Variants in LRRC7 observed in about 807,000 individuals in gnomAD.
LRRC7 encodes leucine rich repeat containing 7, also known as leucine-rich repeat-containing protein 7.
In LRRC7, 23 loss-of-function variants were observed where a neutral mutation model predicts 175.7. That is an observed-to-expected ratio of 0.13 (90% CI 0.09 to 0.19). The LOEUF (loss-of-function observed/expected upper bound fraction) is 0.19. Among genes scored for constraint, LRRC7 ranks in the 10% least tolerant of loss-of-function variants. The probability of loss-of-function intolerance (pLI) is 1.00; values close to 1 mark genes in which losing one functional copy is unlikely to be tolerated. For missense variants in LRRC7, 1,354 were observed against 1,904.7 expected (o/e 0.71, Z 5.38); for synonymous variants, 685 against 680.9 (o/e 1.01, Z -0.09).
chr1:69,967,468 C>T (rs890555043), intron 8 of LRRC7, among the ~76,000 whole-genome samples: 6 of 152,182 alleles, frequency 3.9e-5, no homozygotes, highest in Non-Finnish European at 7.3e-5. Context: ...TTCTTGAAAG[C>T]GCCACCTCTC....
chr1:70,098,232 A>C (rs990842487), intron 25 of LRRC7, among the ~76,000 whole-genome samples: 2 of 152,122 alleles, frequency 1.3e-5, no homozygotes, highest in Non-Finnish European at 2.9e-5. Context: ...GCATTTTTTC[A>C]TGTGTTTTTT....
In LRRC7 at chr1:69,741,850, C is replaced by T. The variant is rs190688702; in HGVS notation, c.101-18341C>T. Among the ~76,000 whole-genome samples the T allele has an allele frequency of 5.9e-5, 9 of 152,072 alleles. No homozygotes were observed. In the East Asian group the frequency reaches 1.7e-3, roughly 30 times the overall value. On this transcript the variant is annotated intron_variant, in intron 2 of 26. Transcript: ENST00000651989. Reference sequence around the variant, plus strand: ...TTCTAATTAGTTTCCCAACCTTCTTCAAACTATTCTCCACAGAGCAGCAAG... The same window carrying T: ...TTCTAATTAGTTTCCCAACCTTCTTTAAACTATTCTCCACAGAGCAGCAAG...
At chr1:69,769,657 T>C (rs1055535290) in intron 3 of LRRC7, among the ~76,000 whole-genome samples, 3 of 152,166 alleles carry the variant, frequency 2.0e-5, no homozygotes, top group Non-Finnish European at 2.9e-5. Context: ...AAAATTGAAA[T>C]CCAAAACACT....
chr1:69,971,419 CAA>C (rs1374609558), intron 8 of LRRC7, among the ~76,000 whole-genome samples: 3 of 152,150 alleles, frequency 2.0e-5, no homozygotes, highest in African/African-American at 7.2e-5. Flanking sequence ...AAGAATTCAG[CAA>C]AGTTTCCAGA....
At chr1:69,595,132 C>A (rs1299437536) in intron 1 of LRRC7, among the ~76,000 whole-genome samples, 1 of 152,048 alleles carries the variant, frequency 6.6e-6, no homozygotes, top group African/African-American at 2.4e-5. Context: ...CTCCACTCTT[C>A]AAATGAAGAA....
intron 1 of LRRC7, among the ~76,000 whole-genome samples, chr1:69,642,621 A>G (rs1401304556): frequency 1.3e-5 from 2 of 152,076 alleles, no homozygotes; most frequent in Non-Finnish European, 2.9e-5. Flanking sequence ...TTTTCTCAAA[A>G]TAGCCAGTGC....
At chr1:70,022,191 C>A (rs1398525437) in intron 16 of LRRC7, 2 of 152,126 alleles carry the variant, frequency 1.3e-5, no homozygotes, top group East Asian at 3.9e-4. Flanking sequence ...TTAGTGCTGT[C>A]TAACAACCAA....
At chr1:69,739,834 A>T (rs1668513492) in intron 2 of LRRC7, among the ~76,000 whole-genome samples, 1 of 152,148 alleles carries the variant, frequency 6.6e-6, no homozygotes, top group Admixed American at 6.6e-5. Context: ...GATGTCAATC[A>T]CCAGAGAAGA....
intron 8 of LRRC7, among the ~76,000 whole-genome samples, chr1:69,951,153 AC>A (rs1238062211): frequency 2.0e-5 from 3 of 152,058 alleles, no homozygotes; most frequent in Non-Finnish European, 4.4e-5. Context: ...TCAAAAGAAG[AC>A]ATACATGCGG....
intron 2 of LRRC7, among the ~76,000 whole-genome samples, chr1:69,694,939 C>G (rs1206432059): frequency 6.6e-6 from 1 of 152,084 alleles, no homozygotes; most frequent in East Asian, 1.9e-4. Context: ...TCCTTTATAG[C>G]AACACAAATG....
intron 4 of LRRC7, among the ~76,000 whole-genome samples, chr1:69,815,959 T>A (rs1351473069): frequency 1.0e-4 from 5 of 49,602 alleles, no homozygotes; most frequent in African/African-American, 2.0e-4. Context: ...TTTATTTATT[T>A]ATTTATTTAT....
At chr1:69,927,618 C>T (rs1217988330) in intron 7 of LRRC7, among the ~76,000 whole-genome samples, 8 of 152,194 alleles carry the variant, frequency 5.3e-5, no homozygotes, top group African/African-American at 1.7e-4. Context: ...GAGGCTTCTG[C>T]ATTCTTCACG....
intron 3 of LRRC7, among the ~76,000 whole-genome samples, chr1:69,791,350 A>G (rs1218377349): frequency 6.6e-6 from 1 of 152,036 alleles, no homozygotes; most frequent in Non-Finnish European, 1.5e-5. Context: ...AAGCTCAATA[A>G]TTCACACTTT....
intron 4 of LRRC7, among the ~76,000 whole-genome samples, chr1:69,825,498 A>AT (rs1410073669): frequency 1.3e-5 from 2 of 152,042 alleles, no homozygotes; most frequent in African/African-American, 4.8e-5. Context: ...ATTGTCCTCA[A>AT]TTTTACATCC....
chr1:69,761,592 G>C (rs929913936), intron 3 of LRRC7, among the ~76,000 whole-genome samples: 2 of 151,846 alleles, frequency 1.3e-5, no homozygotes, highest in Admixed American at 6.6e-5. Flanking sequence ...ACTATACACA[G>C]GTATAGTGTA....
Position 70,132,392 on chromosome 1 carries a change from G to C in LRRC7, c.*10505G>C, listed in dbSNP as rs1666700269. The C allele has an allele frequency of 6.6e-6, 1 of 151,540 alleles. No individual in the cohort carries two copies. The highest frequency in any genetic ancestry group is 6.6e-5 in the Admixed American group (1 of 15,202). The allele number at this position is 151,540 out of a possible 1,614,324, so 9.4% of individuals were successfully genotyped here. A position where few individuals can be genotyped will look rare whatever the true frequency, so the allele number is the denominator to read the frequency against. The stretch of plus-strand genomic sequence containing the variant: ...TTAGTCATACAACTTCTCAGAACAA[G>C]GAAAAAAGTTATCTCATTTTTAAAA... On this transcript the variant is annotated 3_prime_UTR_variant, in exon 27 of 27. Coordinates refer to ENST00000651989, the MANE Select transcript of LRRC7 (RefSeq NM_001370785.2).
At chr1:69,806,411 C>A (rs937136852) in intron 4 of LRRC7, among the ~76,000 whole-genome samples, 3 of 151,896 alleles carry the variant, frequency 2.0e-5, no homozygotes, top group Non-Finnish European at 4.4e-5. Flanking sequence ...AGGTCATAAG[C>A]ACTCCTCAAA....
chr1:70,092,711 G>A (rs1290770627), intron 25 of LRRC7, among the ~76,000 whole-genome samples: 2 of 152,062 alleles, frequency 1.3e-5, no homozygotes, highest in Admixed American at 1.3e-4. Context: ...GAACTATATT[G>A]TTCGGTCTGG....
At chr1:69,690,773 CA>C (rs1221277292) in intron 2 of LRRC7, among the ~76,000 whole-genome samples, 2 of 152,134 alleles carry the variant, frequency 1.3e-5, no homozygotes, top group African/African-American at 4.8e-5. Context: ...AGGAGACCCT[CA>C]AATCCATTTC....
Sources: gnomAD v4.1 joint callset for allele counts (sites outside exome capture counted in the v4.1 genomes callset) on GRCh38, gnomAD v4.1.1 for gene constraint, MANE v1.5 for transcripts, NCBI Gene and HGNC (gene_info 2026-07-23, HGNC 2026-07-21) for gene names.